MYO1D: variants seen among roughly 807,000 people sequenced by gnomAD.
The protein encoded by MYO1D is unconventional myosin-Id.
Under a neutral mutation model 122.0 loss-of-function variants are expected in MYO1D, and 83 were observed. That is an observed-to-expected ratio of 0.68 (90% CI 0.57 to 0.82). MYO1D has a LOEUF of 0.82. Ranked by LOEUF, MYO1D falls within the 40% of genes least tolerant of loss-of-function variation. The probability of loss-of-function intolerance (pLI) is 0.00; values close to 1 mark genes in which losing one functional copy is unlikely to be tolerated. For synonymous variants in MYO1D, 464 were observed against 446.9 expected (o/e 1.04, Z -0.48); for missense variants, 1,157 against 1,269.5 (o/e 0.91, Z 1.35).
intron 1 of MYO1D, among the ~76,000 whole-genome samples, chr17:32,864,819 T>C (rs1057235315): frequency 7.2e-5 from 11 of 152,314 alleles, no homozygotes; most frequent in Admixed American, 5.9e-4. Context: ...GAGGTGAAAG[T>C]ATTTTCTCCT....
intron 16 of MYO1D, among the ~76,000 whole-genome samples, chr17:32,694,261 A>G (rs1192616729): frequency 6.6e-6 from 1 of 150,476 alleles, no homozygotes; most frequent in Non-Finnish European, 1.5e-5. Context: ...GAGTTTGGCA[A>G]TTGGTTTTTC....
At chr17:32,604,369 A>G (rs567077390) in intron 21 of MYO1D, among the ~76,000 whole-genome samples, 223 of 152,296 alleles carry the variant, frequency 1.5e-3, no homozygotes, top group African/African-American at 5.2e-3. Flanking sequence ...CAAAGAGAGC[A>G]CTTGACTTTG....
At chr17:32,837,254 C>CT (rs35170619) in intron 1 of MYO1D, among the ~76,000 whole-genome samples, 45,248 of 121,800 alleles carry the variant, frequency 0.37, 8,600 homozygotes, top group East Asian at 0.55. Flanking sequence ...CCTGCCTTTT[C>CT]TTTTTTTTTT....
At position 32,653,834 on chromosome 17, in the gene MYO1D, T is replaced by C. The variant is rs1388922471; in HGVS notation, c.2595+9A>G. 25 of 1,607,362 alleles carry C rather than the reference T, an allele frequency of 1.6e-5. No homozygotes were observed. Among genetic ancestry groups the C allele is most frequent in the Non-Finnish European group, 2.0e-5 (23 of 1,174,224 alleles). On this transcript the variant is annotated intron_variant, in intron 19 of 21. Transcript: ENST00000318217. ...CTTTCCAAGATGATCTGGTTTAAGC[T>C]TGCCTTACCTTACGGACGTGACAGG...
At chr17:32,758,126 G>A (rs2089966888) in intron 10 of MYO1D, among the ~76,000 whole-genome samples, 1 of 152,004 alleles carries the variant, frequency 6.6e-6, no homozygotes, top group South Asian at 2.1e-4. Context: ...CAATATACAG[G>A]ACATACAAGA....
intron 21 of MYO1D, among the ~76,000 whole-genome samples, chr17:32,514,193 T>C (rs1187872381): frequency 7.1e-6 from 1 of 140,472 alleles, no homozygotes; most frequent in African/African-American, 2.7e-5. Context: ...TCAGCTGAGA[T>C]TGTGCCACTG....
At chr17:32,828,727 T>C (rs1402423409) in intron 1 of MYO1D, among the ~76,000 whole-genome samples, 2 of 152,004 alleles carry the variant, frequency 1.3e-5, no homozygotes, top group East Asian at 3.9e-4. Flanking sequence ...GTAAAAGGGG[T>C]AGAAAAGCTA....
At chr17:32,625,805 A>G (rs2087920454) in intron 20 of MYO1D, among the ~76,000 whole-genome samples, 1 of 152,232 alleles carries the variant, frequency 6.6e-6, no homozygotes, top group Non-Finnish European at 1.5e-5. Flanking sequence ...TGTTGGGATT[A>G]CAGGTGTGAG....
intron 16 of MYO1D, among the ~76,000 whole-genome samples, chr17:32,676,017 A>C (rs2088803823): frequency 6.6e-6 from 1 of 152,174 alleles, no homozygotes; most frequent in South Asian, 2.1e-4. Context: ...AATTCAGTTA[A>C]CCAATCCCCT....
rs2087082913 is a variant in MYO1D, at chr17:32,557,919, A to G, written c.2864+47168T>C. ...ACACTCCACAGCCATGTCCACATTTATTGAAACTGTGGACGTAAATGAATG... is the reference window on the plus strand; with the variant it reads ...ACACTCCACAGCCATGTCCACATTTGTTGAAACTGTGGACGTAAATGAATG... On this transcript the variant is annotated intron_variant, in intron 21 of 21. Coordinates refer to ENST00000318217, the MANE Select transcript of MYO1D (RefSeq NM_015194.3). 2.6e-5 allele frequency among the ~76,000 whole-genome samples: 4 copies of G among 151,942 alleles called. No homozygotes were observed. The South Asian group carries it at 8.3e-4, about 32-fold the overall frequency.
chr17:32,617,976 C>A (rs1388668339), intron 20 of MYO1D, among the ~76,000 whole-genome samples: 1 of 152,004 alleles, frequency 6.6e-6, no homozygotes, highest in African/African-American at 2.4e-5. Flanking sequence ...AAATTCTTTT[C>A]CTTTCTTAGG....
intron 16 of MYO1D, among the ~76,000 whole-genome samples, chr17:32,664,847 T>G (rs2088615633): frequency 6.6e-6 from 1 of 152,204 alleles, no homozygotes; most frequent in Admixed American, 6.5e-5. Flanking sequence ...AGCCAGATCA[T>G]GTCACTTCTC....
intron 19 of MYO1D, among the ~76,000 whole-genome samples, chr17:32,651,009 A>G (rs2088380518): frequency 6.6e-6 from 1 of 152,180 alleles, no homozygotes; most frequent in African/African-American, 2.4e-5. Context: ...GTATTCCTAT[A>G]AAAATTTTTT....
chr17:32,751,870 C>T (rs2089902636), intron 11 of MYO1D, among the ~76,000 whole-genome samples: 1 of 152,126 alleles, frequency 6.6e-6, no homozygotes, highest in Non-Finnish European at 1.5e-5. Flanking sequence ...TCTAAAAATT[C>T]AATGCATTTC....
intron 17 of MYO1D, among the ~76,000 whole-genome samples, chr17:32,655,650 G>A (rs2088466348): frequency 6.6e-6 from 1 of 152,196 alleles, no homozygotes; most frequent in Non-Finnish European, 1.5e-5. Flanking sequence ...AGCAGTGTAA[G>A]GAGCTGGGAG....
intron 14 of MYO1D, among the ~76,000 whole-genome samples, chr17:32,735,656 A>G (rs1226038074): frequency 6.6e-6 from 1 of 151,430 alleles, no homozygotes; most frequent in Non-Finnish European, 1.5e-5. Context: ...ATCTCCCACT[A>G]TGATGGTGGA....
chr17:32,809,953 T>C (rs1016087349), intron 1 of MYO1D, among the ~76,000 whole-genome samples: 1 of 152,208 alleles, frequency 6.6e-6, no homozygotes, highest in Non-Finnish European at 1.5e-5. Flanking sequence ...AACTAATTAA[T>C]GCTTCCTCTA....
At chr17:32,603,104 T>A (rs1386207319) in intron 21 of MYO1D, among the ~76,000 whole-genome samples, 1 of 151,656 alleles carries the variant, frequency 6.6e-6, no homozygotes, top group Non-Finnish European at 1.5e-5. Context: ...ATTCCTAGCA[T>A]CTTGATAGTC....
At chr17:32,778,201 C>G (rs2090197661) in intron 3 of MYO1D, among the ~76,000 whole-genome samples, 1 of 152,178 alleles carries the variant, frequency 6.6e-6, no homozygotes, top group Non-Finnish European at 1.5e-5. Context: ...ACACTTTCAA[C>G]TGTTTCAGAG....
Sources: allele counts gnomAD v4.1 joint callset (sites outside exome capture counted in the v4.1 genomes callset), GRCh38; gene constraint gnomAD v4.1.1; transcripts MANE v1.5; gene names NCBI Gene and HGNC (gene_info 2026-07-23, HGNC 2026-07-21).